Variants in ITGA2B observed in about 807,000 individuals in gnomAD.
ITGA2B encodes integrin alpha-IIb.
ITGA2B carries 91 observed loss-of-function variants against 142.0 expected under a neutral mutation model. The ratio of observed to expected loss-of-function variants is 0.64; its 90% CI spans 0.54 to 0.76. The LOEUF (loss-of-function observed/expected upper bound fraction) is 0.76. Ranked by LOEUF, ITGA2B falls within the 30% of genes least tolerant of loss-of-function variation. The pLI is 0.00. For missense variants in ITGA2B, 1,231 were observed against 1,350.8 expected (o/e 0.91, Z 1.39); for synonymous variants, 536 against 567.2 (o/e 0.94, Z 0.78).
chr17:44,373,301 C>A (rs1379105309), intron 29 of ITGA2B, among the ~76,000 whole-genome samples: 1 of 152,018 alleles, frequency 6.6e-6, no homozygotes, highest in Non-Finnish European at 1.5e-5. Flanking sequence ...CCACGCCTGG[C>A]TAATTTTTGT....
rs2048534778 is a variant in ITGA2B at position 44,375,641 on chromosome 17, AGATCTGTCTGC to A, written c.2666_2676del (p.Arg889LeufsTer30). 11 of 1,613,436 alleles carry A rather than the reference AGATCTGTCTGC, an allele frequency of 6.8e-6. No homozygotes were observed. The highest frequency in any genetic ancestry group is 9.3e-6 in the Non-Finnish European group (11 of 1,179,862). On this transcript the variant is annotated frameshift_variant, in exon 26 of 30. Coordinates refer to ENST00000262407, the MANE Select transcript of ITGA2B (RefSeq NM_000419.5). LOFTEE classifies it high-confidence loss of function. ...GAGGGCTGCTCGGGCTCTGGCAGGA[AGATCTGTCTGC>A]GATCCCGCTTGTGATGGGCCGGGTG...
chr17:44,386,252 A>G (rs2048649006), intron 1 of ITGA2B, 121 bp from the exon 2 acceptor site: 32 of 1,430,404 alleles, frequency 2.2e-5, no homozygotes, highest in Non-Finnish European at 2.7e-5. Flanking sequence ...ATCTTTCCTC[A>G]ATGACACCTC....
chr17:44,374,448 G>T lies in ITGA2B; in HGVS notation c.2966C>A (p.Ala989Asp). 6.2e-7 allele frequency: 1 copy of T among 1,614,036 alleles called. No homozygotes were observed. Among genetic ancestry groups the T allele is most frequent in the African/African-American group, 1.3e-5 (1 of 74,994 alleles). The change falls in exon 29 of 30, where the codon GCC becomes GAC. Residue 989 changes from alanine to aspartate, a missense_variant. Physicochemically the swap from Ala to Asp is moderately radical, Grantham distance 126 (BLOSUM62 -2). Around this residue, in one of 3 missense-constraint regions of ITGA2B, gnomAD observed 908 missense variants for 1,021.1 expected, o/e 0.89. Coordinates refer to ENST00000262407, the MANE Select transcript of ITGA2B (RefSeq NM_000419.5). ...GATTGGAATGGCCCTCTCCTCCAAGGCCCGGAGCAGCTGTGTCCACACCTG... is the reference window on the plus strand; with the variant it reads ...GATTGGAATGGCCCTCTCCTCCAAGTCCCGGAGCAGCTGTGTCCACACCTG... Reference protein sequence around the residue: ...EAQVWTQLLRALEERAIPIWW... With the variant: ...EAQVWTQLLRDLEERAIPIWW...
chr17:44,385,254 C>A, intron 5 of ITGA2B, 32 bp downstream of exon 5: 2 of 1,613,746 alleles, frequency 1.2e-6, no homozygotes, highest in Non-Finnish European at 8.5e-7. Context: ...TGTTTGGGAG[C>A]CGCCCCCACT....
intron 22 of ITGA2B, among the ~76,000 whole-genome samples, chr17:44,376,626 A>G (rs2048546996): frequency 6.6e-6 from 1 of 151,826 alleles, no homozygotes; most frequent in South Asian, 2.1e-4. Flanking sequence ...TTGAGATAGA[A>G]TCTCGCACTG....
At chr17:44,375,549 G>A in intron 26 of ITGA2B, 42 bp downstream of exon 26, 2 of 1,607,164 alleles carry the variant, frequency 1.2e-6, no homozygotes, top group African/African-American at 1.3e-5. Flanking sequence ...CTGCCCCGTG[G>A]GTCCCGGGGA....
Position 44,386,080 on chromosome 17 carries a change from C to T in ITGA2B, c.240G>A (p.Glu80=), listed in dbSNP as rs1567906106. 6.2e-7 allele frequency: 1 copy of T among 1,610,718 alleles called. No individual in the cohort carries two copies. Among genetic ancestry groups the T allele is most frequent in the South Asian group, 1.1e-5 (1 of 90,898 alleles). The change falls in exon 2 of 30, where the codon GAG becomes GAA. Residue 80 remains glutamate (E), a synonymous_variant. Coordinates refer to ENST00000262407, the MANE Select transcript of ITGA2B (RefSeq NM_000419.5). ...AGGGGCACAGGAACACGCCGCCCGT[C>T]TCCTCCTGGCTGGGGCCCAGGGTCC... ...APRTLGPSQE[E]TGGVFLCPWR...
chr17:44,377,345 G>A (rs549519433), intron 21 of ITGA2B, among the ~76,000 whole-genome samples: 5 of 151,932 alleles, frequency 3.3e-5, no homozygotes, highest in South Asian at 4.2e-4. Context: ...ATAGGCGTGC[G>A]CCACCATGCC....
intron 29 of ITGA2B, chr17:44,374,064 C>T (rs1311141061): frequency 2.5e-6 from 1 of 392,408 alleles, no homozygotes; most frequent in African/African-American, 2.1e-5. Flanking sequence ...TGTCAACACG[C>T]CCGGCTAATT....
chr17:44,376,828 G>A (rs539553661), intron 22 of ITGA2B, among the ~76,000 whole-genome samples, 181 bp downstream of exon 22: 1 of 152,152 alleles, frequency 6.6e-6, no homozygotes, highest in African/African-American at 2.4e-5. Flanking sequence ...GGCCAGGCTG[G>A]TCTCCAACTC....
chr17:44,376,383 T>G lies in ITGA2B; in HGVS notation c.2273A>C (p.Asn758Thr). 1 of 1,614,146 alleles carries G rather than the reference T, an allele frequency of 6.2e-7. No homozygotes were observed. The highest frequency in any genetic ancestry group is 8.5e-7 in the Non-Finnish European group (1 of 1,180,010). The change falls in exon 23 of 30, where the codon AAC becomes ACC. Residue 758 changes from asparagine to threonine, a missense_variant. Physicochemically the swap from Asn to Thr is moderately conservative, Grantham distance 65 (BLOSUM62 0). Transcript: ENST00000262407. Reference sequence around the variant, plus strand: ...AATCTTGCTGTTTGGATTCTGGCTGTTCTTGCTAGAGGGGAGGGGATGAGG... The same window carrying G: ...AATCTTGCTGTTTGGATTCTGGCTGGTCTTGCTAGAGGGGAGGGGATGAGG... ...VSFQLQIRSK[N>T]SQNPNSKIVL...
intron 12 of ITGA2B, among the ~76,000 whole-genome samples, chr17:44,382,411 T>C (rs2048605083): frequency 6.6e-6 from 1 of 152,104 alleles, no homozygotes; most frequent in South Asian, 2.1e-4. Flanking sequence ...CCTTACCCCA[T>C]TGCATTCTGG....
chr17:44,385,217 G>A lies in ITGA2B; in HGVS notation c.625-8C>T, dbSNP rs1192173260. ...AAGCACCAGCTCTCCGGCCTGGAAG[G>A]GAAGTCCTGAGGGTGAGAGGGGGCC... On this transcript the variant is annotated splice_polypyrimidine_tract_variant and splice_region_variant and intron_variant, in intron 5 of 29. Transcript: ENST00000262407. 1.2e-6 allele frequency: 2 copies of A among 1,613,902 alleles called. No individual in the cohort carries two copies. The highest frequency in any genetic ancestry group is 2.7e-5 in the African/African-American group (2 of 74,954).
chr17:44,376,908 TG>T, intron 22 of ITGA2B, 100 bp downstream of exon 22: 1 of 913,512 alleles, frequency 1.1e-6, no homozygotes, highest in Non-Finnish European at 1.7e-6. Flanking sequence ...CCACTGCGCC[TG>T]GCCTCGAAAG....
Position 44,380,644 on chromosome 17 carries a change from G to A in ITGA2B, c.1395C>T (p.Asp465=). 1 of 1,614,200 alleles carries A rather than the reference G, an allele frequency of 6.2e-7. No homozygotes were observed. The highest frequency in any genetic ancestry group is 1.1e-5 in the South Asian group (1 of 91,082). The change falls in exon 14 of 30, where the codon GAC becomes GAT. Residue 465 remains aspartate (D), a splice_region_variant and synonymous_variant. Coordinates refer to ENST00000262407, the MANE Select transcript of ITGA2B (RefSeq NM_000419.5). ...TGGCCCCGTAAGCTCCCACGATCAG[G>A]TCTATAGACATCGAGGAATGGGTCA... ...AVDIDDNGYP[D]LIVGAYGANQ...
chr17:44,380,708 C>T, intron 13 of ITGA2B, 63 bp from the exon 14 acceptor site: 1 of 1,609,246 alleles, frequency 6.2e-7, no homozygotes. Flanking sequence ...ATCTCATCTT[C>T]CCAGGGGTTC....
intron 1 of ITGA2B, among the ~76,000 whole-genome samples, chr17:44,387,715 C>T (rs186096716): frequency 8.7e-5 from 13 of 150,068 alleles, no homozygotes; most frequent in Admixed American, 4.7e-4. Context: ...ATCCCAGCTA[C>T]GCGGGAGGCT....
Position 44,389,595 on chromosome 17 carries a change from G to T in ITGA2B, c.-122C>A, listed in dbSNP as rs2048680954. On this transcript the variant is annotated 5_prime_UTR_variant, in exon 1 of 30. Coordinates refer to ENST00000262407, the MANE Select transcript of ITGA2B (RefSeq NM_000419.5). Reference sequence around the variant, plus strand: ...CCCCAAGTAACTTGCTGAGCAACGGGCAGAGCAAAGGGCTATAGCCCCTGG... The same window carrying T: ...CCCCAAGTAACTTGCTGAGCAACGGTCAGAGCAAAGGGCTATAGCCCCTGG... The T allele has an allele frequency of 9.0e-7, 1 of 1,111,072 alleles. No individual in the cohort carries two copies. Among genetic ancestry groups the T allele is most frequent in the Non-Finnish European group, 1.3e-6 (1 of 763,056 alleles). The allele number at this position is 1,111,072 out of a possible 1,614,324, so 68.8% of individuals were successfully genotyped here.
intron 29 of ITGA2B, chr17:44,374,090 G>T (rs557373049): frequency 2.3e-6 from 1 of 437,030 alleles, no homozygotes; most frequent in Admixed American, 3.5e-5. Flanking sequence ...ATTTTTAGTA[G>T]AGATGGGGTT....
Sources: gnomAD v4.1 joint callset for allele counts (sites outside exome capture counted in the v4.1 genomes callset) on GRCh38, gnomAD v4.1.1 for gene constraint, gnomAD v4.1.1 regional missense constraint, MANE v1.5 for transcripts, NCBI Gene and HGNC (gene_info 2026-07-23, HGNC 2026-07-21) for gene names.